STAG3: variants seen among roughly 807,000 people sequenced by gnomAD.
The protein encoded by STAG3 is STAG3 cohesin complex component.
Under a neutral mutation model 160.7 loss-of-function variants are expected in STAG3, and 101 were observed. The observed-to-expected ratio is 0.63, with a 90% CI of 0.54 to 0.74. The LOEUF (loss-of-function observed/expected upper bound fraction) is 0.74. Ranked by LOEUF, STAG3 falls within the 30% of genes least tolerant of loss-of-function variation. The probability of loss-of-function intolerance (pLI) is 0.00; values close to 1 mark genes in which losing one functional copy is unlikely to be tolerated. For synonymous variants in STAG3, 519 were observed against 585.0 expected, an observed-to-expected ratio of 0.89 and a Z score of 1.63; for missense variants, 1,188 against 1,517.4, an observed-to-expected ratio of 0.78 and a Z score of 3.61.
intron 1 of STAG3, among the ~76,000 whole-genome samples, chr7:100,179,084 C>T (rs184198821): frequency 6.6e-6 from 1 of 151,636 alleles, no homozygotes; most frequent in African/African-American, 2.4e-5. Context: ...AGGCAGTCCT[C>T]CTGCTTCAGC....
intron 32 of STAG3, chr7:100,213,438 A>AT (rs1802458550): frequency 1.0e-6 from 1 of 985,370 alleles, no homozygotes; most frequent in Admixed American, 6.1e-5. Flanking sequence ...ATACCTTCAA[A>AT]CCAGAGACTA....
rs749195862 is a variant in STAG3 at position 100,201,310 on chromosome 7, C to T, written c.2179C>T (p.Leu727Phe). Reference sequence around the variant, plus strand: ...GGAGCTCTATGAGCCATGTTGCCAACTCCTGCAGAAGGCTGTGGACACAGG... The same window carrying T: ...GGAGCTCTATGAGCCATGTTGCCAATTCCTGCAGAAGGCTGTGGACACAGG... ...RWELYEPCCQ[L>F]LQKAVDTGEV... The change falls in exon 21 of 34, where the codon CTC becomes TTC. Residue 727 changes from leucine to phenylalanine, a missense_variant. This residue lies in a region of STAG3 where 647 missense variants were observed against 717.2 expected (regional missense o/e 0.90). Transcript: ENST00000615138. 3.3e-5 allele frequency: 53 copies of T among 1,614,054 alleles called. No homozygotes were observed. The highest frequency in any genetic ancestry group is 3.6e-5 in the Non-Finnish European group (42 of 1,180,034).
chr7:100,178,938 C>T (rs1799454495), intron 1 of STAG3, among the ~76,000 whole-genome samples: 2 of 152,032 alleles, frequency 1.3e-5, no homozygotes, highest in South Asian at 4.1e-4. Context: ...AGGCGATCGT[C>T]CCGCTTCATT....
Position 100,182,161 on chromosome 7 carries a change from G to C in STAG3, c.188G>C (p.Arg63Thr). 2 of 1,608,018 alleles carry C rather than the reference G, an allele frequency of 1.2e-6. No individual in the cohort carries two copies. Among genetic ancestry groups the C allele is most frequent in the Non-Finnish European group, 1.7e-6 (2 of 1,177,886 alleles). The change falls in exon 3 of 34, where the codon AGA becomes ACA. Residue 63 changes from arginine (R) to threonine (T), a missense_variant. Arg to Thr is a moderately conservative substitution (Grantham distance 71). This residue lies in a region of STAG3 where 296 missense variants were observed against 404.0 expected (regional missense o/e 0.73). Transcript: ENST00000615138. The part of the protein sequence containing the change: ...EDSLNRNVKK[R>T]AAKRPPKTTP... ...AGCTTGAATCGCAATGTGAAGAAGA[G>C]AGCAGCAAAACGACCACCGAAAACA...
chr7:100,197,376 C>T, intron 10 of STAG3, 97 bp downstream of exon 10: 2 of 1,534,762 alleles, frequency 1.3e-6, no homozygotes, highest in African/African-American at 1.4e-5. Flanking sequence ...GATATTTTAC[C>T]TAGTGACCAA....
rs2272345 is a variant in STAG3 at position 100,199,408 on chromosome 7, C to G, written c.1573+41C>G. ...AGCCAGGGACAGGGACCTTCCACCCCCTAGGGTGAAACTGGGAGGGATTGC... is the reference window on the plus strand; with the variant it reads ...AGCCAGGGACAGGGACCTTCCACCCGCTAGGGTGAAACTGGGAGGGATTGC... On this transcript the variant is annotated intron_variant, in intron 15 of 33. Coordinates refer to ENST00000615138, the MANE Select transcript of STAG3 (RefSeq NM_001282717.2). 449,589 of 1,579,138 alleles carry G rather than the reference C, an allele frequency of 0.28. 69,565 individuals carry two copies. The highest frequency in any genetic ancestry group is 0.61 in the East Asian group (27,029 of 44,656).
In STAG3 at chr7:100,213,806, GGTGA is replaced by G. The variant is rs777467962; in HGVS notation, c.3672+4_3672+7del. The G allele has an allele frequency of 4.3e-6, 7 of 1,614,122 alleles. No homozygotes were observed. The highest frequency in any genetic ancestry group is 5.1e-6 in the Non-Finnish European group (6 of 1,180,054). On this transcript the variant is annotated splice_donor_variant and splice_donor_region_variant and intron_variant, in intron 33 of 33. Transcript: ENST00000615138. LOFTEE classifies it high-confidence loss of function. ...TAGATTCTACAGAGCTGGATATTGA[GGTGA>G]GTGTCCCCAGAGCAGGAGTTATGTA...
intron 25 of STAG3, among the ~76,000 whole-genome samples, chr7:100,203,538 G>A (rs747651793): frequency 1.3e-4 from 19 of 149,960 alleles, no homozygotes; most frequent in South Asian, 2.1e-4. Flanking sequence ...TTTTTGAGAC[G>A]GAATCTCGCT....
chr7:100,212,222 T>C (rs1802292951), intron 32 of STAG3: 1 of 196,982 alleles, frequency 5.1e-6, no homozygotes, highest in African/African-American at 2.3e-5. Context: ...CTTCAGTGTC[T>C]CTCCCCACAA....
At chr7:100,205,752 C>T (rs1203317390) in intron 29 of STAG3, among the ~76,000 whole-genome samples, 5 of 151,734 alleles carry the variant, frequency 3.3e-5, no homozygotes, top group Admixed American at 3.3e-4. Flanking sequence ...ATCACTTGAA[C>T]CCGGGAGGCG....
downstream of STAG3, chr7:100,214,958 A>G (rs1263640998): frequency 2.0e-5 from 3 of 152,086 alleles, no homozygotes; most frequent in Non-Finnish European, 4.4e-5. Flanking sequence ...CATTGTCACC[A>G]TCGTCTCTCA....
Position 100,200,904 on chromosome 7 carries a change from G to C in STAG3, c.1996G>C (p.Ala666Pro). Reference protein sequence around the residue: ...EFTFFSRADFARSQLVDLLTD... With the variant: ...EFTFFSRADFPRSQLVDLLTD... ...CACTTTCTTCAGCCGGGCGGACTTT[G>C]CCCGCAGCCAGCTAGTAGATTTGCT... is the stretch of plus-strand genomic sequence containing the variant. The change falls in exon 19 of 34, where the codon GCC (alanine) becomes CCC (proline). Residue 666 changes from alanine to proline, a missense_variant. Coordinates refer to ENST00000615138, the MANE Select transcript of STAG3 (RefSeq NM_001282717.2). The C allele has an allele frequency of 1.2e-6, 2 of 1,614,214 alleles. No individual in the cohort carries two copies. The highest frequency in any genetic ancestry group is 1.7e-6 in the Non-Finnish European group (2 of 1,180,044).
At chr7:100,204,212 G>A in intron 26 of STAG3, 90 bp downstream of exon 26, 1 of 996,352 alleles carries the variant, frequency 1.0e-6, no homozygotes, top group African/African-American at 1.6e-5. Flanking sequence ...ATCCTTCAGA[G>A]CAGTAACTTT....
At chr7:100,206,988 G>A (rs1801711342) in intron 29 of STAG3, among the ~76,000 whole-genome samples, 1 of 152,062 alleles carries the variant, frequency 6.6e-6, no homozygotes, top group Non-Finnish European at 1.5e-5. Context: ...CATATAATAT[G>A]TGGCCTTTTA....
intron 8 of STAG3, among the ~76,000 whole-genome samples, chr7:100,195,043 A>G (rs11762932): frequency 0.17 from 25,555 of 152,224 alleles, 2,735 homozygotes; most frequent in Middle Eastern, 0.32. Flanking sequence ...ATACACCTGT[A>G]TAATGCCAGC....
chr7:100,189,136 C>T, intron 7 of STAG3, 120 bp downstream of exon 7: 2 of 1,115,994 alleles, frequency 1.8e-6, no homozygotes, highest in South Asian at 1.5e-5. Flanking sequence ...GGCCATGCCT[C>T]TTTTATCCTA....
rs762107500 is a variant in STAG3, at chr7:100,201,380, G to C, written c.2220+29G>C. 3 of 1,600,066 alleles carry C rather than the reference G, an allele frequency of 1.9e-6. No individual in the cohort carries two copies. In the African/African-American group the frequency reaches 4.0e-5, roughly 21 times the overall value. On this transcript the variant is annotated intron_variant, in intron 21 of 33. Transcript: ENST00000615138. ...AGTGGACAGGCTAGAGATGGGTTGG[G>C]GGCTGGGGGGCTAGATTTTAAGGAC...
At chr7:100,180,440 C>T in intron 1 of STAG3, 53 bp from the exon 2 acceptor site, 2 of 705,822 alleles carry the variant, frequency 2.8e-6, no homozygotes, top group Non-Finnish European at 5.1e-6. Context: ...CTGGTCAGGG[C>T]TGGGGATGGA....
Position 100,211,044 on chromosome 7 carries a change from C to A in STAG3, c.3272C>A (p.Ser1091Ter). ...PAKPNREDVS[S>*]SQEESLQLNS... ...AAGCCTAACAGAGAGGACGTCTCCT[C>A]GTCCCAGGAAGAAAGTCTGCAGCTG... is the stretch of plus-strand genomic sequence containing the variant. Residue 1091 changes from serine (S) to a stop codon, truncating the protein, a stop_gained, in exon 30 of 34, where the codon TCG becomes TAG. Coordinates refer to ENST00000615138, the MANE Select transcript of STAG3 (RefSeq NM_001282717.2). LOFTEE classifies it high-confidence loss of function. 1.2e-6 allele frequency: 2 copies of A among 1,613,976 alleles called. No individual in the cohort carries two copies. The highest frequency in any genetic ancestry group is 1.7e-6 in the Non-Finnish European group (2 of 1,179,982).
Sources: gnomAD v4.1 joint callset for allele counts (sites outside exome capture counted in the v4.1 genomes callset) on GRCh38, gnomAD v4.1.1 for gene constraint, gnomAD v4.1.1 regional missense constraint, MANE v1.5 for transcripts, NCBI Gene and HGNC (gene_info 2026-07-23, HGNC 2026-07-21) for gene names.